RYR1: variants seen among roughly 807,000 people sequenced by gnomAD.
The protein encoded by RYR1 is central core disease of muscle.
Under a neutral mutation model 583.5 loss-of-function variants are expected in RYR1, and 342 were observed. That is an observed-to-expected ratio of 0.59 (90% CI 0.54 to 0.64). RYR1 has a LOEUF of 0.64. Among genes scored for constraint, RYR1 ranks in the 30% least tolerant of loss-of-function variants. The pLI is 0.00. For missense variants in RYR1, 6,032 were observed against 6,917.2 expected (o/e 0.87, Z 4.54); for synonymous variants, 2,791 against 2,822.5 (o/e 0.99, Z 0.35).
At chr19:38,490,334 C>A in intron 36 of RYR1, 58 bp downstream of exon 36, 1 of 1,514,174 alleles carries the variant, frequency 6.6e-7, no homozygotes, top group South Asian at 1.2e-5. Context: ...CTCAACATCT[C>A]CTGACTCTGA....
intron 97 of RYR1, among the ~76,000 whole-genome samples, chr19:38,577,689 A>C (rs1247217471): frequency 6.6e-6 from 1 of 151,984 alleles, no homozygotes; most frequent in African/African-American, 2.4e-5. Context: ...CCAGCTACTC[A>C]GGTGGCTGAG....
intron 27 of RYR1, among the ~76,000 whole-genome samples, chr19:38,469,795 G>A (rs772054527): frequency 9.2e-5 from 14 of 152,114 alleles, no homozygotes; most frequent in Non-Finnish European, 1.2e-4. Context: ...GTCTAGGCAT[G>A]GTAGCTCATG....
chr19:38,461,236 T>C (rs535653539), intron 20 of RYR1, among the ~76,000 whole-genome samples: 25 of 152,258 alleles, frequency 1.6e-4, no homozygotes, highest in African/African-American at 5.5e-4. Flanking sequence ...AGTTCGAGAT[T>C]AGTATGGGTA....
In RYR1 at chr19:38,499,037, G is replaced by A; in HGVS notation, c.6892-71G>A. On this transcript the variant is annotated intron_variant, in intron 42 of 105. Coordinates refer to ENST00000359596, the MANE Select transcript of RYR1 (RefSeq NM_000540.3). This position sits in a 1 kb window ranked among gnomAD's most constrained non-coding sequence, Gnocchi z 7.3. ...AGGAGCCGCAGGGCAGGGCAGGGCA[G>A]GGCAGAGGGCTGAGCCCCAGGAGGA... 1 of 1,594,964 alleles carries A rather than the reference G, an allele frequency of 6.3e-7. No homozygotes were observed. Among genetic ancestry groups the A allele is most frequent in the Non-Finnish European group, 8.6e-7 (1 of 1,169,548 alleles).
chr19:38,464,319 G>A (rs1001715454), intron 22 of RYR1, among the ~76,000 whole-genome samples: 24 of 147,240 alleles, frequency 1.6e-4, no homozygotes, highest in African/African-American at 5.2e-4. Flanking sequence ...AGAAGCAAAC[G>A]GGGAGCAAGA....
intron 82 of RYR1, 92 bp downstream of exon 82, chr19:38,536,162 C>T (rs933190151): frequency 3.3e-6 from 4 of 1,214,124 alleles, no homozygotes; most frequent in African/African-American, 3.1e-5. Flanking sequence ...CCAGAGCTCC[C>T]TTCCTCCAAG....
rs1317092185 is a variant in RYR1, at chr19:38,469,537, CT to C, written c.3765+26del. The C allele has an allele frequency of 1.9e-6, 3 of 1,602,958 alleles. No homozygotes were observed. The African/African-American group carries it at 4.0e-5, about 21-fold the overall frequency. The stretch of plus-strand genomic sequence containing the variant: ...AGGTAAGGACTGAGCCCCTCAATGC[CT>C]TCTCATCTGCCTCCAAAGCTCCTTC... On this transcript the variant is annotated intron_variant, in intron 27 of 105. Coordinates refer to ENST00000359596, the MANE Select transcript of RYR1 (RefSeq NM_000540.3).
Position 38,483,448 on chromosome 19 carries a change from G to A in RYR1, c.4866G>A (p.Arg1622=). ...LQVETRRAGE[R]LGWAVQCQEP... is the part of the protein sequence containing the mutation. Reference sequence around the variant, plus strand: ...TGGAGACGAGGCGTGCCGGCGAGCGGCTGGGCTGGGCCGTGCAGTGCCAGG... The same window carrying A: ...TGGAGACGAGGCGTGCCGGCGAGCGACTGGGCTGGGCCGTGCAGTGCCAGG... The change falls in exon 33 of 106, where the codon CGG becomes CGA. Residue 1622 remains arginine, a synonymous_variant. Transcript: ENST00000359596. The surrounding 1 kb of genome is among the most constrained non-coding windows in gnomAD (Gnocchi z 6.3). 6.4e-7 allele frequency: 1 copy of A among 1,571,514 alleles called. No individual in the cohort carries two copies.
Position 38,504,794 on chromosome 19 carries a change from C to T in RYR1, c.8114C>T (p.Ala2705Val). The T allele has an allele frequency of 1.9e-6, 3 of 1,614,130 alleles. No homozygotes were observed. Among genetic ancestry groups the T allele is most frequent in the Non-Finnish European group, 2.5e-6 (3 of 1,180,020 alleles). ...CGCATGGCCATGCCTTGTCTGTGCG[C>T]CATTGCCGGGGCTCTGCCCCCCGAC... ...LYRMAMPCLC[A>V]IAGALPPDYV... The change falls in exon 51 of 106, where the codon GCC becomes GTC. Residue 2705 changes from alanine to valine, a missense_variant. Ala to Val is a moderately conservative substitution (Grantham distance 64). Transcript: ENST00000359596.
Position 38,585,173 on chromosome 19 carries a change from C to T in RYR1, c.14803+74C>T, listed in dbSNP as rs1974417185. On this transcript the variant is annotated intron_variant, in intron 102 of 105. Transcript: ENST00000359596. ...TGGCTAAGAATGCAGGCCCAGGATC[C>T]AGTCGGCCTGCATTCATACCCCATC... The T allele has an allele frequency of 7.7e-6, 12 of 1,550,684 alleles. No homozygotes were observed. In the South Asian group the frequency reaches 1.3e-4, roughly 16 times the overall value.
rs1215607437 is a variant in RYR1, at chr19:38,463,734, G to T, written c.2683-13G>T. The stretch of plus-strand genomic sequence containing the variant: ...AAGGGGAGCACATGGAGTTGACCCT[G>T]GGTTTTCTCCAGGTTCGGGATGACA... On this transcript the variant is annotated splice_polypyrimidine_tract_variant and intron_variant, in intron 21 of 105. Coordinates refer to ENST00000359596, the MANE Select transcript of RYR1 (RefSeq NM_000540.3). 1.2e-6 allele frequency: 2 copies of T among 1,612,582 alleles called. No individual in the cohort carries two copies. Among genetic ancestry groups the T allele is most frequent in the Non-Finnish European group, 1.7e-6 (2 of 1,178,736 alleles).
chr19:38,473,016 A>C (rs1968508224), intron 27 of RYR1, among the ~76,000 whole-genome samples: 2 of 123,448 alleles, frequency 1.6e-5, no homozygotes, highest in South Asian at 2.3e-4. Context: ...ACTGTGTCTC[A>C]AAAAAAAAAA....
Position 38,548,162 on chromosome 19 carries a change from A to G in RYR1, c.12095-71A>G, listed in dbSNP as rs563359707. 2.6e-6 allele frequency: 4 copies of G among 1,567,570 alleles called. No individual in the cohort carries two copies. The South Asian group carries it at 3.4e-5, about 13-fold the overall frequency. On this transcript the variant is annotated intron_variant, in intron 88 of 105. Coordinates refer to ENST00000359596, the MANE Select transcript of RYR1 (RefSeq NM_000540.3). ...GCAGCGTGGTGGCTCCTGGGCTGGAAAGAGAGGCAAGCCTGGTGGGGCCCC... is the reference window on the plus strand; with the variant it reads ...GCAGCGTGGTGGCTCCTGGGCTGGAGAGAGAGGCAAGCCTGGTGGGGCCCC...
At position 38,456,430 on chromosome 19, in the gene RYR1, C is replaced by T. The variant is rs1217940752; in HGVS notation, c.1791+679C>T. On this transcript the variant is annotated intron_variant, in intron 16 of 105. Coordinates refer to ENST00000359596, the MANE Select transcript of RYR1 (RefSeq NM_000540.3). Reference sequence around the variant, plus strand: ...CTGAGTAGCTGGGATTACAGGTGCCCGCCACCACGCCCAGCTAATTTTTGT... The same window carrying T: ...CTGAGTAGCTGGGATTACAGGTGCCTGCCACCACGCCCAGCTAATTTTTGT... Among the ~76,000 whole-genome samples, 7 of 150,834 alleles carry T rather than the reference C, an allele frequency of 4.6e-5. No homozygotes were observed. In the South Asian group the frequency reaches 6.3e-4, roughly 14 times the overall value.
At chr19:38,501,646 G>A (rs1165706318) in intron 47 of RYR1, among the ~76,000 whole-genome samples, 2 of 152,198 alleles carry the variant, frequency 1.3e-5, no homozygotes, top group Non-Finnish European at 2.9e-5. Context: ...CACTGGAAAT[G>A]GGGATGAGCA....
rs758413758 is a variant in RYR1 at position 38,502,883 on chromosome 19, C to T, written c.7839C>T (p.Tyr2613=). ...CATCTTGTGCATTGTCCCGCAGGTACATCCGCCCGTCGATGCTGCAGCACC... is the reference window on the plus strand; with the variant it reads ...CATCTTGTGCATTGTCCCGCAGGTATATCCGCCCGTCGATGCTGCAGCACC... ...IEDCLMSLCR[Y]IRPSMLQHLL... The change falls in exon 49 of 106, where the codon TAC becomes TAT. Residue 2613 remains tyrosine (Y), a synonymous_variant. Coordinates refer to ENST00000359596, the MANE Select transcript of RYR1 (RefSeq NM_000540.3). 3.0e-5 allele frequency: 48 copies of T among 1,610,778 alleles called. No homozygotes were observed. The highest frequency in any genetic ancestry group is 1.3e-4 in the Admixed American group (8 of 59,976).
Position 38,452,863 on chromosome 19 carries a change from C to A in RYR1, c.1289C>A (p.Pro430His), listed in dbSNP as rs528904207. Residue 430 changes from proline (P) to histidine (H), a missense_variant, in exon 13 of 106, where the codon CCC becomes CAC. By Grantham distance (77) the Pro-to-His change is moderately conservative. Around this residue, in one of 11 missense-constraint regions of RYR1, gnomAD observed 2,627 missense variants for 2,961.3 expected, o/e 0.89. Transcript: ENST00000359596. ...FSGKPRGSGP[P>H]AGTALPIEGV... ...GGGAAGCCACGGGGCTCGGGGCCAC[C>A]CGCTGGCACGGCGCTGCCCATCGAG... The A allele has an allele frequency of 6.2e-7, 1 of 1,608,896 alleles. No individual in the cohort carries two copies. The highest frequency in any genetic ancestry group is 8.5e-7 in the Non-Finnish European group (1 of 1,177,724).
intron 58 of RYR1, among the ~76,000 whole-genome samples, chr19:38,509,450 A>ATTTTTT (rs534650223): frequency 2.1e-4 from 22 of 104,344 alleles, no homozygotes; most frequent in South Asian, 5.9e-4. Flanking sequence ...TATTATTATT[A>ATTTTTT]TTTTTTTTTT....
At chr19:38,582,605 T>C (rs1974265448) in intron 101 of RYR1, among the ~76,000 whole-genome samples, 1 of 152,056 alleles carries the variant, frequency 6.6e-6, no homozygotes, top group Non-Finnish European at 1.5e-5. Context: ...GTGCTATGAC[T>C]GCGCCACTGC....
Sources: gnomAD v4.1 joint callset for allele counts (sites outside exome capture counted in the v4.1 genomes callset) on GRCh38, gnomAD v4.1.1 for gene constraint, gnomAD v4.1.1 regional missense constraint, Gnocchi (gnomAD v3.1) non-coding constraint, MANE v1.5 for transcripts, NCBI Gene and HGNC (gene_info 2026-07-23, HGNC 2026-07-21) for gene names.